CACNA1C: variants seen among roughly 807,000 people sequenced by gnomAD.
CACNA1C encodes voltage-dependent L-type calcium channel subunit alpha-1C.
Under a neutral mutation model 229.0 loss-of-function variants are expected in CACNA1C, and 30 were observed. The observed-to-expected ratio is 0.13, with a 90% CI of 0.10 to 0.18. The LOEUF (loss-of-function observed/expected upper bound fraction) is 0.18, where lower values mean the gene tolerates loss of function less well. CACNA1C is among the 10% of genes least tolerant of loss of function. The pLI is 1.00. For missense variants in CACNA1C, 1,658 were observed against 2,845.0 expected (o/e 0.58, Z 9.49); for synonymous variants, 1,114 against 1,132.5 (o/e 0.98, Z 0.33).
intron 3 of CACNA1C, among the ~76,000 whole-genome samples, chr12:2,186,666 G>A (rs1243241553): frequency 1.3e-5 from 2 of 152,146 alleles, no homozygotes; most frequent in African/African-American, 4.8e-5. Context: ...TAGCACAATG[G>A]ACATCAGTTT....
chr12:2,312,443 T>C (rs1003742120), intron 3 of CACNA1C, among the ~76,000 whole-genome samples: 2 of 152,134 alleles, frequency 1.3e-5, no homozygotes. Context: ...CTGTAATCTC[T>C]CCATTGACCA....
chr12:2,057,529 T>C (rs1030842893), intron 1 of CACNA1C, among the ~76,000 whole-genome samples: 1 of 152,074 alleles, frequency 6.6e-6, no homozygotes, highest in Non-Finnish European at 1.5e-5. Context: ...CCGGCACAGG[T>C]AACCCAAAAG....
upstream of CACNA1C, among the ~76,000 whole-genome samples, chr12:2,050,403 T>G (rs1295295574): frequency 6.6e-6 from 1 of 152,150 alleles, no homozygotes. Context: ...GCAGTGAGGA[T>G]TAAATAAGAT....
intron 1 of CACNA1C, among the ~76,000 whole-genome samples, chr12:2,095,725 G>T (rs1411776761): frequency 6.6e-6 from 1 of 152,168 alleles, no homozygotes; most frequent in Non-Finnish European, 1.5e-5. Flanking sequence ...GACATAGGAA[G>T]ATGGCAAACA....
intron 1 of CACNA1C, among the ~76,000 whole-genome samples, chr12:2,056,515 G>A (rs975772107): frequency 3.9e-5 from 6 of 152,010 alleles, no homozygotes; most frequent in African/African-American, 1.5e-4. Context: ...AGGCAGAGGG[G>A]AGAAACATGT....
chr12:2,192,032 TCA>T lies in CACNA1C; in HGVS notation c.477+71607_477+71608del, dbSNP rs200764919. Among the ~76,000 whole-genome samples, 1,456 of 148,126 alleles carry T rather than the reference TCA, an allele frequency of 9.8e-3. 16 individuals are homozygous for T. The highest frequency in any genetic ancestry group is 0.034 in the African/African-American group (1,362 of 40,030). On this transcript the variant is annotated intron_variant, in intron 3 of 46. Transcript: ENST00000399655. ...CATACGTTCACACATATACACGCAC[TCA>T]CACATACAGGCACACACATACACAC... is the stretch of plus-strand genomic sequence containing the variant.
At chr12:2,645,578 G>A (rs935552745) in intron 30 of CACNA1C, among the ~76,000 whole-genome samples, 3 of 152,158 alleles carry the variant, frequency 2.0e-5, no homozygotes, top group Admixed American at 6.5e-5. Flanking sequence ...TTGCCAAGGC[G>A]AAAGGGTACC....
intron 1 of CACNA1C, among the ~76,000 whole-genome samples, chr12:1,974,203 CAA>C (rs1317950829): frequency 2.0e-5 from 3 of 152,104 alleles, no homozygotes; most frequent in Non-Finnish European, 4.4e-5. Flanking sequence ...TTGCTAATAT[CAA>C]TAATTATCAC....
chr12:2,399,268 G>A (rs1304174471), intron 3 of CACNA1C, among the ~76,000 whole-genome samples: 1 of 152,186 alleles, frequency 6.6e-6, no homozygotes, highest in Non-Finnish European at 1.5e-5. Context: ...TTTTCCATCC[G>A]TGGATGACTA....
At chr12:2,099,080 C>T (rs1235302337) in intron 1 of CACNA1C, among the ~76,000 whole-genome samples, 5 of 152,238 alleles carry the variant, frequency 3.3e-5, no homozygotes, top group Non-Finnish European at 7.3e-5. Context: ...GCATGGTGCA[C>T]TCTGGACCGG....
intron 3 of CACNA1C, among the ~76,000 whole-genome samples, chr12:2,367,146 T>G (rs1056562218): frequency 6.6e-6 from 1 of 152,208 alleles, no homozygotes; most frequent in African/African-American, 2.4e-5. Flanking sequence ...GGCAGGGTTT[T>G]GGGATGAAGC....
At chr12:2,265,885 G>A (rs190501352) in intron 3 of CACNA1C, among the ~76,000 whole-genome samples, 82 of 152,322 alleles carry the variant, frequency 5.4e-4, no homozygotes, top group African/African-American at 2.0e-3. Flanking sequence ...TAGCCTCCTG[G>A]TTCCCAGTGT....
intron 3 of CACNA1C, among the ~76,000 whole-genome samples, chr12:2,198,791 C>A (rs1488383110): frequency 1.3e-5 from 2 of 152,056 alleles, no homozygotes; most frequent in African/African-American, 4.8e-5. Flanking sequence ...GGCCCTCATT[C>A]CCACCACATC....
intron 1 of CACNA1C, among the ~76,000 whole-genome samples, chr12:2,060,290 G>A (rs1055758391): frequency 6.6e-6 from 1 of 152,146 alleles, no homozygotes; most frequent in African/African-American, 2.4e-5. Context: ...ACCAGTAGCT[G>A]GGGTATAGAC....
intron 34 of CACNA1C, among the ~76,000 whole-genome samples, chr12:2,657,845 T>C (rs2095501771): frequency 6.6e-6 from 1 of 152,160 alleles, no homozygotes; most frequent in South Asian, 2.1e-4. Flanking sequence ...AGAAATAGAA[T>C]TCCAGGTGAA....
In CACNA1C at chr12:2,678,032, C is replaced by G; in HGVS notation, c.5091+165C>G. On this transcript the variant is annotated intron_variant, in intron 41 of 46. Coordinates refer to ENST00000399655, the MANE Select transcript of CACNA1C (RefSeq NM_000719.7). This position sits in a 1 kb window ranked among gnomAD's most constrained non-coding sequence, Gnocchi z 4.1. Reference sequence around the variant, plus strand: ...CTGTCTCCTCACCCCTTTGCCTTTTCCAAGCCTGACTCCATCCCAAGGCAG... The same window carrying G: ...CTGTCTCCTCACCCCTTTGCCTTTTGCAAGCCTGACTCCATCCCAAGGCAG... 1 of 731,248 alleles carries G rather than the reference C, an allele frequency of 1.4e-6. No individual in the cohort carries two copies. 45.3% of individuals were successfully genotyped at this position (731,248 alleles called of 1,614,324 possible).
At chr12:2,107,174 T>C (rs1161339552) in intron 1 of CACNA1C, among the ~76,000 whole-genome samples, 12 of 132,248 alleles carry the variant, frequency 9.1e-5, no homozygotes, top group African/African-American at 3.3e-4. Context: ...AGCCACTGGG[T>C]GCTCACCCTG....
At chr12:2,254,326 G>A (rs770713123) in intron 3 of CACNA1C, among the ~76,000 whole-genome samples, 4 of 152,158 alleles carry the variant, frequency 2.6e-5, no homozygotes, top group Non-Finnish European at 5.9e-5. Flanking sequence ...GAGGATGTAG[G>A]CTGAGTCTTA....
At chr12:2,188,344 A>C (rs1047009864) in intron 3 of CACNA1C, among the ~76,000 whole-genome samples, 3 of 126,336 alleles carry the variant, frequency 2.4e-5, no homozygotes, top group Admixed American at 7.7e-5. Context: ...TTGCAACATA[A>C]ACTCTTATTC....
Sources: gnomAD v4.1 joint callset for allele counts (sites outside exome capture counted in the v4.1 genomes callset) on GRCh38, gnomAD v4.1.1 for gene constraint, Gnocchi (gnomAD v3.1) non-coding constraint, MANE v1.5 for transcripts, NCBI Gene and HGNC (gene_info 2026-07-23, HGNC 2026-07-21) for gene names.